MEF2C: variants seen among roughly 807,000 people sequenced by gnomAD.
The protein encoded by MEF2C is myocyte-specific enhancer factor 2C.
Under a neutral mutation model 50.5 loss-of-function variants are expected in MEF2C, and 6 were observed. The ratio of observed to expected loss-of-function variants is 0.12; its 90% CI spans 0.07 to 0.23. MEF2C has a LOEUF of 0.23. Among genes scored for constraint, MEF2C ranks in the 10% least tolerant of loss-of-function variants. The pLI is 1.00. For missense variants in MEF2C, 276 were observed against 605.0 expected (o/e 0.46, Z 5.70); for synonymous variants, 183 against 228.0 (o/e 0.80, Z 1.78).
chr5:88,825,265 A>ATT (rs34835022), intron 1 of MEF2C, among the ~76,000 whole-genome samples: 3 of 142,494 alleles, frequency 2.1e-5, no homozygotes, highest in African/African-American at 7.7e-5. Context: ...CACCTTGGGT[A>ATT]TTTTTTTTTT....
chr5:88,743,325 A>G, intron 6 of MEF2C: 1 of 985,378 alleles, frequency 1.0e-6, no homozygotes, highest in Non-Finnish European at 1.2e-6. Context: ...CTGATATTTT[A>G]AGTCACTAAG....
chr5:88,846,612 G>A (rs915154100), intron 1 of MEF2C, among the ~76,000 whole-genome samples: 13 of 152,298 alleles, frequency 8.5e-5, no homozygotes, highest in African/African-American at 2.4e-4. Context: ...GTTTATCCCT[G>A]CAGGGAGATT....
chr5:88,872,014 T>C (rs1461535390), intron 1 of MEF2C, among the ~76,000 whole-genome samples: 4 of 152,026 alleles, frequency 2.6e-5, no homozygotes, highest in Non-Finnish European at 4.4e-5. Context: ...CAAATATCTA[T>C]AGAGTACCTA....
intron 3 of MEF2C, among the ~76,000 whole-genome samples, chr5:88,768,202 G>A (rs1780856116): frequency 1.3e-5 from 2 of 152,090 alleles, no homozygotes; most frequent in Admixed American, 6.5e-5. Flanking sequence ...TTTCCCCTCT[G>A]CTAGATTGAG....
chr5:88,902,632 A>G (rs1835782996), intron 1 of MEF2C, among the ~76,000 whole-genome samples: 1 of 151,724 alleles, frequency 6.6e-6, no homozygotes, highest in Admixed American at 6.6e-5. Flanking sequence ...AGTGGTCATT[A>G]AAAAAGTCAG....
chr5:88,751,684 A>G (rs1037177691), intron 5 of MEF2C, among the ~76,000 whole-genome samples, 173 bp downstream of exon 5: 2 of 152,240 alleles, frequency 1.3e-5, no homozygotes, highest in African/African-American at 4.8e-5. Flanking sequence ...CGAAAAACAT[A>G]CTAAAGAATT....
intron 1 of MEF2C, among the ~76,000 whole-genome samples, chr5:88,848,990 A>AAAAT (rs1820305118): frequency 6.6e-6 from 1 of 151,994 alleles, no homozygotes; most frequent in South Asian, 2.1e-4. Flanking sequence ...GTCTCTACTA[A>AAAAT]AAATACAAAA....
intron 3 of MEF2C, among the ~76,000 whole-genome samples, chr5:88,803,733 A>G (rs2153067461): frequency 6.6e-6 from 1 of 152,254 alleles, no homozygotes; most frequent in East Asian, 1.9e-4. Context: ...AAAGGTTTAA[A>G]ATGTTCCAGC....
intron 1 of MEF2C, chr5:88,889,172 AC>A (rs1344670308): frequency 6.6e-6 from 1 of 152,140 alleles, no homozygotes; most frequent in African/African-American, 2.4e-5. Flanking sequence ...CAGACGAGGG[AC>A]GCCTCTAGTT....
intron 3 of MEF2C, among the ~76,000 whole-genome samples, chr5:88,799,314 T>A (rs1471969419): frequency 1.3e-5 from 2 of 152,238 alleles, no homozygotes; most frequent in Admixed American, 1.3e-4. Flanking sequence ...TGACTGGGGC[T>A]GCTTCCTTTC....
intron 6 of MEF2C, chr5:88,737,473 G>T: frequency 1.0e-6 from 1 of 985,402 alleles, no homozygotes; most frequent in Non-Finnish European, 1.2e-6. Flanking sequence ...AAAAGTTGAA[G>T]TCTCTGATAT....
chr5:88,740,513 T>C, intron 6 of MEF2C: 2 of 983,444 alleles, frequency 2.0e-6, no homozygotes, highest in Non-Finnish European at 2.4e-6. Flanking sequence ...TTAAGAAGCT[T>C]CCGTTACTTG....
In MEF2C at chr5:88,726,145, C is replaced by CT. The variant is rs1359699287; in HGVS notation, c.1100+2347dup. Among the ~76,000 whole-genome samples, 12 of 152,182 alleles carry CT rather than the reference C, an allele frequency of 7.9e-5. No individual in the cohort carries two copies. In the East Asian group the frequency reaches 2.3e-3, roughly 29 times the overall value. The stretch of plus-strand genomic sequence containing the variant: ...TTCCATGGACAAAATATGAAGAACT[C>CT]TGTTTATGGTTTTGCAATTTTGAGA... On this transcript the variant is annotated intron_variant, in intron 10 of 10. Coordinates refer to ENST00000504921, the MANE Select transcript of MEF2C (RefSeq NM_002397.5).
intron 6 of MEF2C, chr5:88,733,623 A>G: frequency 3.0e-6 from 3 of 985,340 alleles, no homozygotes; most frequent in Non-Finnish European, 3.6e-6. Context: ...AGCAAAATAT[A>G]TTTGAGGCAC....
intron 1 of MEF2C, among the ~76,000 whole-genome samples, chr5:88,833,600 AAAGT>A (rs1448833159): frequency 2.0e-5 from 3 of 152,156 alleles, no homozygotes; most frequent in Non-Finnish European, 2.9e-5. Flanking sequence ...GAACCTCATC[AAAGT>A]AAGAGCTCAT....
At chr5:88,738,322 C>T (rs1764979147) in intron 6 of MEF2C, 2 of 985,190 alleles carry the variant, frequency 2.0e-6, no homozygotes, top group African/African-American at 3.5e-5. Context: ...TTACCAACAA[C>T]ACAACATTAA....
chr5:88,889,826 C>A (rs1834341664), intron 1 of MEF2C, among the ~76,000 whole-genome samples: 2 of 152,044 alleles, frequency 1.3e-5, no homozygotes, highest in Non-Finnish European at 2.9e-5. Flanking sequence ...GAAATGCGAT[C>A]CAAAAGAGCT....
In MEF2C at chr5:88,740,608, G is replaced by A. The variant is rs1006651425; in HGVS notation, c.637+8462C>T. 3.0e-6 allele frequency: 3 copies of A among 984,134 alleles called. No homozygotes were observed. The African/African-American group carries it at 5.3e-5, about 17-fold the overall frequency. 61.0% of individuals were successfully genotyped at this position (984,134 alleles called of 1,614,324 possible). On this transcript the variant is annotated intron_variant, in intron 6 of 10. Transcript: ENST00000504921. ...TACCACTACATTACAAAAGCCAGAT[G>A]TCTGAGATTTAGCATGCATCCTTGT...
intron 1 of MEF2C, among the ~76,000 whole-genome samples, chr5:88,862,408 T>C (rs764341762): frequency 3.3e-5 from 5 of 152,220 alleles, no homozygotes; most frequent in Admixed American, 6.5e-5. Context: ...TATAAGATCA[T>C]GGTTTGCTAT....
Sources: gnomAD v4.1 joint callset for allele counts (sites outside exome capture counted in the v4.1 genomes callset) on GRCh38, gnomAD v4.1.1 for gene constraint, MANE v1.5 for transcripts, NCBI Gene and HGNC (gene_info 2026-07-23, HGNC 2026-07-21) for gene names.